The following PTPRD variants were observed in gnomAD, a reference collection of about 807,000 sequenced individuals.
PTPRD encodes the protein protein tyrosine phosphatase receptor type D.
A neutral mutation model predicts 214.5 loss-of-function variants in PTPRD; 34 were observed. The observed-to-expected ratio is 0.16, with a 90% CI of 0.12 to 0.21. The LOEUF is 0.21. Among genes scored for constraint, PTPRD ranks in the 10% least tolerant of loss-of-function variants. The pLI, the probability that PTPRD is intolerant of heterozygous loss-of-function variation, is 1.00. For missense variants in PTPRD, 2,545 were observed against 2,398.7 expected (o/e 1.06, Z -1.27); for synonymous variants, 1,128 against 845.7 (o/e 1.33, Z -5.79).
chr9:9,342,350 G>A (rs1191945681), intron 9 of PTPRD, among the ~76,000 whole-genome samples: 2 of 152,038 alleles, frequency 1.3e-5, no homozygotes, highest in African/African-American at 2.4e-5. Flanking sequence ...AGAAGATGGG[G>A]AAAATAAATT....
At chr9:9,467,152 C>T (rs2094220407) in intron 8 of PTPRD, among the ~76,000 whole-genome samples, 1 of 150,700 alleles carries the variant, frequency 6.6e-6, no homozygotes, top group African/African-American at 2.4e-5. Flanking sequence ...GTGTCCTCAC[C>T]ATCCTTTCCT....
intron 12 of PTPRD, among the ~76,000 whole-genome samples, chr9:8,660,947 T>C (rs1229418038): frequency 6.6e-6 from 1 of 151,934 alleles, no homozygotes; most frequent in Non-Finnish European, 1.5e-5. Context: ...TCACATGAGA[T>C]TTATCATTTA....
intron 9 of PTPRD, among the ~76,000 whole-genome samples, chr9:9,236,371 G>C (rs572429309): frequency 2.6e-5 from 4 of 152,164 alleles, no homozygotes; most frequent in African/African-American, 7.2e-5. Context: ...ACACAAAGGA[G>C]TATAAAAGCT....
rs369359855 is a variant in PTPRD at position 9,322,336 on chromosome 9, T to C, written c.-203+75113A>G. On this transcript the variant is annotated intron_variant, in intron 9 of 45. Coordinates refer to ENST00000381196, the MANE Select transcript of PTPRD (RefSeq NM_002839.4). ...GGATTATATACATGTTTTATGTATATTGTCATACATAATTCACAATTTTCC... is the reference window on the plus strand; with the variant it reads ...GGATTATATACATGTTTTATGTATACTGTCATACATAATTCACAATTTTCC... Among the ~76,000 whole-genome samples, 57 of 152,302 alleles carry C rather than the reference T, an allele frequency of 3.7e-4. No homozygotes were observed. In the South Asian group the frequency reaches 0.012, roughly 31 times the overall value.
intron 11 of PTPRD, among the ~76,000 whole-genome samples, chr9:8,946,167 A>G (rs1180262160): frequency 6.6e-6 from 1 of 152,236 alleles, no homozygotes; most frequent in Admixed American, 6.5e-5. Flanking sequence ...ATAACCAGTT[A>G]TTAACATCAC....
At chr9:9,677,719 G>T (rs949953421) in intron 7 of PTPRD, among the ~76,000 whole-genome samples, 1 of 151,906 alleles carries the variant, frequency 6.6e-6, no homozygotes, top group African/African-American at 2.4e-5. Context: ...TTCTGGCCAG[G>T]GCTATCAGGC....
At chr9:9,825,042 A>G (rs2052237830) in intron 5 of PTPRD, among the ~76,000 whole-genome samples, 2 of 151,994 alleles carry the variant, frequency 1.3e-5, no homozygotes. Flanking sequence ...GTAGCCATTT[A>G]TGCTCAGTTC....
intron 9 of PTPRD, among the ~76,000 whole-genome samples, chr9:9,327,047 A>T (rs975635149): frequency 1.3e-5 from 2 of 152,294 alleles, no homozygotes; most frequent in African/African-American, 4.8e-5. Context: ...TTTACTAAAG[A>T]GGTCAATTGA....
intron 12 of PTPRD, among the ~76,000 whole-genome samples, chr9:8,718,751 G>A (rs1429977011): frequency 1.3e-5 from 2 of 152,114 alleles, no homozygotes; most frequent in Admixed American, 6.5e-5. Context: ...AGGACAAGCT[G>A]ACCATAGTTC....
At chr9:8,526,598 T>C (rs2074227317) in intron 17 of PTPRD, 29 bp downstream of exon 17, 1 of 1,556,572 alleles carries the variant, frequency 6.4e-7, no homozygotes, top group Non-Finnish European at 8.7e-7. Flanking sequence ...AGTAAGATCA[T>C]TCTGTGAACG....
At chr9:8,794,135 TG>T (rs1345156011) in intron 11 of PTPRD, among the ~76,000 whole-genome samples, 19 of 127,042 alleles carry the variant, frequency 1.5e-4, no homozygotes, top group African/African-American at 5.3e-4. Context: ...TTTTTCCCCC[TG>T]TATTTGTGGA....
intron 14 of PTPRD, among the ~76,000 whole-genome samples, chr9:8,629,553 T>A (rs1211683786): frequency 6.6e-6 from 1 of 151,784 alleles, no homozygotes; most frequent in African/African-American, 2.4e-5. Context: ...TGATAGTTAA[T>A]TCACTGTCCT....
intron 2 of PTPRD, among the ~76,000 whole-genome samples, chr9:10,374,529 A>T (rs1175421532): frequency 1.3e-5 from 2 of 151,980 alleles, no homozygotes; most frequent in African/African-American, 2.4e-5. Flanking sequence ...TGATCATAGG[A>T]GCCACACTCA....
At chr9:8,688,330 G>T (rs13294379) in intron 12 of PTPRD, among the ~76,000 whole-genome samples, 3 of 152,136 alleles carry the variant, frequency 2.0e-5, no homozygotes, top group Non-Finnish European at 4.4e-5. Flanking sequence ...GCTTTGGGAG[G>T]CCAAGGCGGG....
intron 10 of PTPRD, among the ~76,000 whole-genome samples, chr9:9,142,450 G>A (rs1048399286): frequency 6.6e-6 from 1 of 152,194 alleles, no homozygotes; most frequent in African/African-American, 2.4e-5. Context: ...ACGGGTAAGT[G>A]GTTGCCATCA....
At chr9:8,763,278 G>C (rs192550856) in intron 11 of PTPRD, among the ~76,000 whole-genome samples, 1 of 152,106 alleles carries the variant, frequency 6.6e-6, no homozygotes, top group African/African-American at 2.4e-5. Flanking sequence ...TTGGGAGGCC[G>C]AGTTGGATGG....
chr9:10,476,198 C>T (rs1168689591), intron 2 of PTPRD, among the ~76,000 whole-genome samples: 1 of 152,272 alleles, frequency 6.6e-6, no homozygotes, highest in African/African-American at 2.4e-5. Context: ...CAAATTGTCT[C>T]TGTTTGCAGA....
chr9:10,180,807 T>C (rs1001534586), intron 3 of PTPRD, among the ~76,000 whole-genome samples: 3 of 152,004 alleles, frequency 2.0e-5, no homozygotes, highest in East Asian at 1.9e-4. Flanking sequence ...AGTCAAAGGA[T>C]AGAAATCACA....
intron 8 of PTPRD, among the ~76,000 whole-genome samples, chr9:9,420,113 T>G (rs1230872632): frequency 7.9e-5 from 12 of 151,132 alleles, no homozygotes; most frequent in Non-Finnish European, 1.5e-4. Context: ...GACACTATAA[T>G]ATTTATAAAA....
Sources: gnomAD v4.1 joint callset for allele counts (sites outside exome capture counted in the v4.1 genomes callset) on GRCh38, gnomAD v4.1.1 for gene constraint, MANE v1.5 for transcripts, NCBI Gene and HGNC (gene_info 2026-07-23, HGNC 2026-07-21) for gene names.